The following BRPF3 variants were observed in gnomAD, a reference collection of about 807,000 sequenced individuals.
BRPF3 encodes bromodomain and PHD finger-containing protein 3.
In BRPF3, 18 loss-of-function variants were observed where a neutral mutation model predicts 102.0. That is an observed-to-expected ratio of 0.18 (90% CI 0.12 to 0.26). BRPF3 has a LOEUF of 0.26. Ranked by LOEUF, BRPF3 falls within the 10% of genes least tolerant of loss-of-function variation. The pLI is 1.00. For synonymous variants in BRPF3, 570 were observed against 614.2 expected, an observed-to-expected ratio of 0.93 and a Z score of 1.06; for missense variants, 1,147 against 1,567.8, an observed-to-expected ratio of 0.73 and a Z score of 4.53.
chr6:36,210,754 G>A lies in BRPF3; in HGVS notation c.2179+226G>A. ...TTAAGTGGTAGAAAAGGGGAATCAGGTACTAGTGGTCTGTTTGAAAAGCTT... is the reference window on the plus strand; with the variant it reads ...TTAAGTGGTAGAAAAGGGGAATCAGATACTAGTGGTCTGTTTGAAAAGCTT... On this transcript the variant is annotated intron_variant, in intron 6 of 12. Transcript: ENST00000357641. The surrounding 1 kb of genome is among the most constrained non-coding windows in gnomAD (Gnocchi z 4.7). Among the ~76,000 whole-genome samples the A allele has an allele frequency of 6.6e-6, 1 of 152,200 alleles. No individual in the cohort carries two copies. The highest frequency in any genetic ancestry group is 1.9e-4 in the East Asian group (1 of 5,198).
At chr6:36,229,666 T>C (rs1021253415) in intron 12 of BRPF3, among the ~76,000 whole-genome samples, 4 of 152,204 alleles carry the variant, frequency 2.6e-5, no homozygotes, top group African/African-American at 9.7e-5. Context: ...AAGGTTTCTC[T>C]TAGCACCAAC....
intron 11 of BRPF3, among the ~76,000 whole-genome samples, chr6:36,228,078 TTGGTTTTAGTACCAATG>T: frequency 6.6e-6 from 1 of 152,238 alleles, no homozygotes; most frequent in Non-Finnish European, 1.5e-5. Flanking sequence ...CAAGCCTTGT[TTGGTTTTAGTACCAATG>T]TGGTTTTAGC....
chr6:36,207,402 G>C lies in BRPF3; in HGVS notation c.1695G>C (p.Leu565=), dbSNP rs963465664. The change falls in exon 4 of 13, where the codon CTG becomes CTC. Residue 565 remains leucine (L), a synonymous_variant. Transcript: ENST00000357641. ...ATGACTTGGAGCGGGCGCGGCTGCT[G>C]ATTGAGCTGATTCGGAAGAGAGAGA... is the stretch of plus-strand genomic sequence containing the variant. ...LRHDLERARL[L]IELIRKREKL... 6.2e-7 allele frequency: 1 copy of C among 1,614,086 alleles called. No individual in the cohort carries two copies.
chr6:36,218,049 T>C, intron 9 of BRPF3, 39 bp downstream of exon 9: 2 of 1,554,344 alleles, frequency 1.3e-6, no homozygotes, highest in Non-Finnish European at 8.8e-7. Flanking sequence ...GCAGCTCTGC[T>C]ACCCCTCCTT....
chr6:36,219,091 A>G (rs1768437119), intron 9 of BRPF3, among the ~76,000 whole-genome samples: 1 of 152,192 alleles, frequency 6.6e-6, no homozygotes, highest in Admixed American at 6.5e-5. Context: ...GGGCAGCACC[A>G]GAAGACTATT....
Position 36,214,137 on chromosome 6 carries a change from A to G in BRPF3, c.2740A>G (p.Thr914Ala). 1 of 1,614,002 alleles carries G rather than the reference A, an allele frequency of 6.2e-7. No individual in the cohort carries two copies. The highest frequency in any genetic ancestry group is 8.5e-7 in the Non-Finnish European group (1 of 1,179,996). The change falls in exon 8 of 13, where the codon ACC (threonine) becomes GCC (alanine). Residue 914 changes from threonine to alanine, a missense_variant. Thr to Ala is a moderately conservative substitution (Grantham distance 58). Coordinates refer to ENST00000357641, the MANE Select transcript of BRPF3 (RefSeq NM_015695.3). ...INRLSLMAPDTPAGTPLSGVG... is the reference protein window; with the variant it reads ...INRLSLMAPDAPAGTPLSGVG... Reference sequence around the variant, plus strand: ...CAGACTATCCCTCATGGCCCCTGACACCCCGGCCGGTACCCCACTTAGTGG... The same window carrying G: ...CAGACTATCCCTCATGGCCCCTGACGCCCCGGCCGGTACCCCACTTAGTGG...
chr6:36,224,023 C>A (rs147046201), intron 10 of BRPF3, among the ~76,000 whole-genome samples: 1 of 152,142 alleles, frequency 6.6e-6, no homozygotes, highest in African/African-American at 2.4e-5. Flanking sequence ...GCTATTGATT[C>A]AATAGGTGCA....
chr6:36,198,188 C>T (rs1285241689), intron 1 of BRPF3, among the ~76,000 whole-genome samples: 1 of 152,150 alleles, frequency 6.6e-6, no homozygotes, highest in African/African-American at 2.4e-5. Flanking sequence ...TGTGCCAGCC[C>T]GCCTGGCACT....
intron 9 of BRPF3, among the ~76,000 whole-genome samples, chr6:36,218,526 C>A (rs1768414577): frequency 2.0e-5 from 3 of 147,578 alleles, no homozygotes; most frequent in Admixed American, 7.0e-5. Context: ...GTGGCCCGAT[C>A]TCGGCTCACT....
At chr6:36,199,744 C>T (rs115302100) in intron 1 of BRPF3, among the ~76,000 whole-genome samples, 2 of 152,232 alleles carry the variant, frequency 1.3e-5, no homozygotes, top group Non-Finnish European at 2.9e-5. Flanking sequence ...CCATGTTACA[C>T]TGTAATAATC....
Position 36,211,425 on chromosome 6 carries a change from G to C in BRPF3, c.2347G>C (p.Ala783Pro), listed in dbSNP as rs751612806. The C allele has an allele frequency of 6.2e-7, 1 of 1,612,344 alleles. No homozygotes were observed. Among genetic ancestry groups the C allele is most frequent in the South Asian group, 1.1e-5 (1 of 90,918 alleles). Residue 783 changes from alanine to proline, a missense_variant, in exon 7 of 13, where the codon GCA (alanine) becomes CCA (proline). Physicochemically the swap from Ala to Pro is conservative, Grantham distance 27. Transcript: ENST00000357641. ...GATCAATGCCCTTCGGCAGAAGCTG[G>C]CACAGCCACCACCACCACAGCCACC... is the stretch of plus-strand genomic sequence containing the variant. ...REINALRQKL[A>P]QPPPPQPPSL...
At chr6:36,199,127 T>C (rs888992840) in intron 1 of BRPF3, among the ~76,000 whole-genome samples, 1 of 152,204 alleles carries the variant, frequency 6.6e-6, no homozygotes, top group Non-Finnish European at 1.5e-5. Flanking sequence ...GGCCGCAGAC[T>C]GTGGCCTGTT....
chr6:36,201,921 TG>T lies in BRPF3; in HGVS notation c.1448+153del. ...CTTTTGACCCCAGGCTCACCTGGCC[TG>T]GTTTGTGGTTTTGATTTTGCCCTCA... On this transcript the variant is annotated intron_variant, in intron 2 of 12. Coordinates refer to ENST00000357641, the MANE Select transcript of BRPF3 (RefSeq NM_015695.3). The surrounding 1 kb of genome is among the most constrained non-coding windows in gnomAD (Gnocchi z 5.1). The T allele has an allele frequency of 8.3e-7, 1 of 1,210,716 alleles. No individual in the cohort carries two copies. Among genetic ancestry groups the T allele is most frequent in the Non-Finnish European group, 1.1e-6 (1 of 891,114 alleles). 75.0% of individuals were successfully genotyped at this position (1,210,716 alleles called of 1,614,324 possible).
At chr6:36,217,290 ACT>A (rs1194055091) in intron 8 of BRPF3, among the ~76,000 whole-genome samples, 5 of 151,398 alleles carry the variant, frequency 3.3e-5, no homozygotes, top group Non-Finnish European at 5.9e-5. Flanking sequence ...CCAGGTTCTG[ACT>A]CTCCCTCCCA....
At chr6:36,223,001 A>G (rs1030818870) in intron 10 of BRPF3, among the ~76,000 whole-genome samples, 2 of 152,210 alleles carry the variant, frequency 1.3e-5, no homozygotes, top group African/African-American at 2.4e-5. Flanking sequence ...TCGCACATAC[A>G]TAACCCTGTA....
At chr6:36,214,488 T>A (rs1396890689) in intron 8 of BRPF3, 102 bp downstream of exon 8, 16 of 1,362,340 alleles carry the variant, frequency 1.2e-5, no homozygotes, top group Non-Finnish European at 1.5e-5. Flanking sequence ...AATGGCACCA[T>A]TGGACAGCAA....
chr6:36,225,488 GT>G, intron 11 of BRPF3, 124 bp downstream of exon 11: 11 of 840,060 alleles, frequency 1.3e-5, no homozygotes, highest in African/African-American at 1.7e-5. Context: ...GGGGAGGGGG[GT>G]TTTGCCCCAG....
At chr6:36,215,275 C>A (rs1768287535) in intron 8 of BRPF3, among the ~76,000 whole-genome samples, 1 of 152,130 alleles carries the variant, frequency 6.6e-6, no homozygotes, top group Non-Finnish European at 1.5e-5. Flanking sequence ...ACCACCACGC[C>A]TTGCTAATTT....
chr6:36,197,962 C>T (rs563698156), intron 1 of BRPF3, among the ~76,000 whole-genome samples: 2 of 152,250 alleles, frequency 1.3e-5, no homozygotes, highest in African/African-American at 4.8e-5. Context: ...GGGCGCCGCA[C>T]CGCCTGTCTG....
Sources: allele counts gnomAD v4.1 joint callset (sites outside exome capture counted in the v4.1 genomes callset), GRCh38; gene constraint gnomAD v4.1.1; non-coding constraint Gnocchi (gnomAD v3.1); transcripts MANE v1.5; gene names NCBI Gene and HGNC (gene_info 2026-07-23, HGNC 2026-07-21).